Variants in IRAG1 observed in about 807,000 individuals in gnomAD.
IRAG1 encodes the protein inositol 1,4,5-triphosphate receptor associated 1.
Under a neutral mutation model 106.2 loss-of-function variants are expected in IRAG1, and 62 were observed. The observed-to-expected ratio is 0.58, with a 90% CI of 0.48 to 0.72. The LOEUF (loss-of-function observed/expected upper bound fraction) is 0.72, where lower values mean the gene tolerates loss of function less well. IRAG1 is among the 30% of genes least tolerant of loss of function. IRAG1 has a pLI of 0.00. For synonymous variants in IRAG1, 462 were observed against 443.9 expected, an observed-to-expected ratio of 1.04 and a Z score of -0.51; for missense variants, 1,064 against 1,140.7, an observed-to-expected ratio of 0.93 and a Z score of 0.97.
intron 1 of IRAG1, among the ~76,000 whole-genome samples, chr11:10,671,730 CACAACA>C (rs72444319): frequency 4.6e-5 from 7 of 151,004 alleles, no homozygotes; most frequent in Admixed American, 6.6e-5. Context: ...CAACAACAAA[CACAACA>C]ACAACAACAA....
chr11:10,584,548 A>AAAATAT (rs1245685749), intron 18 of IRAG1, among the ~76,000 whole-genome samples: 1 of 98,580 alleles, frequency 1.0e-5, no homozygotes, highest in Non-Finnish European at 2.1e-5. Context: ...TCTTTCATGA[A>AAAATAT]ATATATATAT....
rs527257678 is a variant in IRAG1, at chr11:10,580,661, G to A, written c.2361-72C>T. 217 of 1,539,218 alleles carry A rather than the reference G, an allele frequency of 1.4e-4. 3 individuals carry two copies. The South Asian group carries it at 2.4e-3, about 17-fold the overall frequency. ...TGCATCCTTTCCTGAGTTCCTAGGG[G>A]AGGGGACTTGAGCAGCACCTCCAAT... On this transcript the variant is annotated intron_variant, in intron 19 of 20. Coordinates refer to ENST00000423302, the MANE Select transcript of IRAG1 (RefSeq NM_130385.4).
chr11:10,626,343 C>T lies in IRAG1; in HGVS notation c.991G>A (p.Gly331Arg). 1 of 1,613,694 alleles carries T rather than the reference C, an allele frequency of 6.2e-7. No individual in the cohort carries two copies. Among genetic ancestry groups the T allele is most frequent in the Non-Finnish European group, 8.5e-7 (1 of 1,179,792 alleles). Reference protein sequence around the residue: ...PQPGPVESELGKQLLKTGWEG... With the variant: ...PQPGPVESELRKQLLKTGWEG... ...CAGCCCGTTTTCAAGAGCTGCTTCC[C>T]CAGCTCGCTCTCCACGGGGCCAGGC... The change falls in exon 9 of 21, where the codon GGG becomes AGG. Residue 331 changes from glycine to arginine, a missense_variant. Transcript: ENST00000423302.
At chr11:10,616,107 C>A (rs973356492) in intron 10 of IRAG1, among the ~76,000 whole-genome samples, 3 of 151,044 alleles carry the variant, frequency 2.0e-5, no homozygotes, top group African/African-American at 7.3e-5. Flanking sequence ...ACATCGAGAC[C>A]ATCCTGGCTA....
Position 10,627,590 on chromosome 11 carries a change from CCT to C in IRAG1, c.750+124_750+125del, listed in dbSNP as rs1323419231. On this transcript the variant is annotated intron_variant, in intron 8 of 20. Coordinates refer to ENST00000423302, the MANE Select transcript of IRAG1 (RefSeq NM_130385.4). ...CAGGGGAATCTGCTGTTTCCCCAGC[CCT>C]GACCCTCCACTCATACGTGTGCATG... The C allele has an allele frequency of 3.0e-6, 3 of 990,008 alleles. No individual in the cohort carries two copies. In the African/African-American group the frequency reaches 4.8e-5, roughly 16 times the overall value. 61.3% of individuals were successfully genotyped at this position (990,008 alleles called of 1,614,324 possible).
intron 1 of IRAG1, among the ~76,000 whole-genome samples, chr11:10,678,011 G>GTCTA (rs10606111): frequency 0.051 from 7,201 of 142,140 alleles, 333 homozygotes; most frequent in African/African-American, 0.12. Context: ...CTCTCTATCT[G>GTCTA]TCTATCTATC....
chr11:10,679,745 T>C (rs938278347), intron 1 of IRAG1, among the ~76,000 whole-genome samples: 2 of 152,236 alleles, frequency 1.3e-5, no homozygotes, highest in African/African-American at 4.8e-5. Flanking sequence ...TAGAGTTCTG[T>C]ACAACTCCAG....
intron 1 of IRAG1, among the ~76,000 whole-genome samples, chr11:10,682,066 C>T (rs1272191983): frequency 6.6e-6 from 1 of 152,142 alleles, no homozygotes; most frequent in Non-Finnish European, 1.5e-5. Flanking sequence ...GTGAACTACT[C>T]AGCCTCACAA....
At chr11:10,663,621 T>C (rs1859567645) in intron 1 of IRAG1, among the ~76,000 whole-genome samples, 1 of 152,230 alleles carries the variant, frequency 6.6e-6, no homozygotes, top group African/African-American at 2.4e-5. Flanking sequence ...ATGACAGCAC[T>C]GTGTGGCTAT....
intron 8 of IRAG1, among the ~76,000 whole-genome samples, chr11:10,627,365 T>A (rs1856324237): frequency 6.6e-6 from 1 of 152,074 alleles, no homozygotes; most frequent in South Asian, 2.1e-4. Flanking sequence ...CCAGACAGAA[T>A]CCCAGGCAGG....
chr11:10,580,607 A>T lies in IRAG1; in HGVS notation c.2361-18T>A. 6.2e-7 allele frequency: 1 copy of T among 1,611,894 alleles called. No individual in the cohort carries two copies. Among genetic ancestry groups the T allele is most frequent in the South Asian group, 1.1e-5 (1 of 90,668 alleles). ...CTTGGAATCTGGGGGGCAAAAAGGA[A>T]CAGTTGAGTCTGGAAAGGGCAGATG... On this transcript the variant is annotated intron_variant, in intron 19 of 20. Coordinates refer to ENST00000423302, the MANE Select transcript of IRAG1 (RefSeq NM_130385.4).
chr11:10,607,092 A>G (rs970878132), intron 11 of IRAG1, among the ~76,000 whole-genome samples: 8 of 152,216 alleles, frequency 5.3e-5, no homozygotes, highest in African/African-American at 1.9e-4. Flanking sequence ...ATGTATGTGT[A>G]TGTGTTTGTA....
At chr11:10,637,029 G>T (rs1238056139) in intron 2 of IRAG1, among the ~76,000 whole-genome samples, 3 of 152,186 alleles carry the variant, frequency 2.0e-5, no homozygotes, top group Non-Finnish European at 4.4e-5. Flanking sequence ...TAATGAGTTT[G>T]GTCTTTATGG....
chr11:10,599,556 G>A (rs1264684256), intron 15 of IRAG1: 1 of 152,164 alleles, frequency 6.6e-6, no homozygotes, highest in Non-Finnish European at 1.5e-5. Context: ...TGCTGCCTTT[G>A]GACTCTGGGA....
chr11:10,655,158 G>A (rs1858822811), intron 1 of IRAG1, among the ~76,000 whole-genome samples: 1 of 152,204 alleles, frequency 6.6e-6, no homozygotes, highest in Non-Finnish European at 1.5e-5. Flanking sequence ...TGTGACGTAT[G>A]TACAGGTCCA....
In IRAG1 at chr11:10,581,875, G is replaced by A. The variant is rs760962532; in HGVS notation, c.2352C>T (p.Tyr784=). 31 of 1,613,592 alleles carry A rather than the reference G, an allele frequency of 1.9e-5. No homozygotes were observed. The South Asian group carries it at 2.7e-4, about 14-fold the overall frequency. ...ETKARMEEEA[Y]SKGFQEGLKK... ...GCTGAGGTCTGACTCACCCCTTGCT[G>A]TAGGCTTCTTCCTCCATCCTGGCCT... is the stretch of plus-strand genomic sequence containing the variant. Residue 784 remains tyrosine (Y), a synonymous_variant, in exon 19 of 21, where the codon TAC becomes TAT. Coordinates refer to ENST00000423302, the MANE Select transcript of IRAG1 (RefSeq NM_130385.4).
Position 10,652,066 on chromosome 11 carries a change from G to C in IRAG1, c.184C>G (p.Pro62Ala), listed in dbSNP as rs556153702. The C allele has an allele frequency of 4.4e-6, 7 of 1,596,028 alleles. No homozygotes were observed. The African/African-American group carries it at 5.4e-5, about 12-fold the overall frequency. ...TGGGCTGCCTGTGGCTCTCCGGGGG[G>C]CTCCTCGTCCTCGGGAATGTGGGGC... ...AMPHIPEDEE[P>A]PGEPQAAQSP... The change falls in exon 2 of 21, where the codon CCC becomes GCC. Residue 62 changes from proline (P) to alanine (A), a missense_variant. Physicochemically the swap from Pro to Ala is conservative, Grantham distance 27 (BLOSUM62 -1). Transcript: ENST00000423302.
Position 10,628,768 on chromosome 11 carries a change from G to A in IRAG1, c.635C>T (p.Thr212Ile), listed in dbSNP as rs1236974724. Reference sequence around the variant, plus strand: ...GGCCTCACCTGGCGGGGTGGGGACTGTAAGTGAGTTGCTCCGAGAGGATGT... The same window carrying A: ...GGCCTCACCTGGCGGGGTGGGGACTATAAGTGAGTTGCTCCGAGAGGATGT... ...SPTSSRSNSL[T>I]VPTPPGLDVC... Residue 212 changes from threonine to isoleucine, a missense_variant, in exon 6 of 21, where the codon ACA becomes ATA. Coordinates refer to ENST00000423302, the MANE Select transcript of IRAG1 (RefSeq NM_130385.4). The surrounding 1 kb of genome is among the most constrained non-coding windows in gnomAD (Gnocchi z 4.1). 1.9e-6 allele frequency: 3 copies of A among 1,552,468 alleles called. No individual in the cohort carries two copies. Among genetic ancestry groups the A allele is most frequent in the African/African-American group, 1.4e-5 (1 of 71,674 alleles).
intron 2 of IRAG1, among the ~76,000 whole-genome samples, chr11:10,635,008 C>A (rs556647251): frequency 6.0e-4 from 92 of 152,260 alleles, no homozygotes; most frequent in African/African-American, 2.1e-3. Flanking sequence ...AGATTAGGGA[C>A]ACTACAAGCT....
Sources: allele counts gnomAD v4.1 joint callset (sites outside exome capture counted in the v4.1 genomes callset), GRCh38; gene constraint gnomAD v4.1.1; non-coding constraint Gnocchi (gnomAD v3.1); transcripts MANE v1.5; gene names NCBI Gene and HGNC (gene_info 2026-07-23, HGNC 2026-07-21).